The following KIAA0825 variants were observed in gnomAD, a reference collection of about 807,000 sequenced individuals.
KIAA0825 encodes KIAA0825, also known as uncharacterized protein KIAA0825.
In KIAA0825, 119 loss-of-function variants were observed where a neutral mutation model predicts 147.6. That is an observed-to-expected ratio of 0.81 (90% CI 0.69 to 0.94). KIAA0825 has a LOEUF of 0.94. KIAA0825 is among the 40% of genes least tolerant of loss of function. KIAA0825 has a pLI of 0.00. For missense variants in KIAA0825, 1,381 were observed against 1,472.7 expected, an observed-to-expected ratio of 0.94 and a Z score of 1.02; for synonymous variants, 470 against 518.1, an observed-to-expected ratio of 0.91 and a Z score of 1.26.
intron 15 of KIAA0825, among the ~76,000 whole-genome samples, chr5:94,408,193 A>C (rs746164836): frequency 1.3e-5 from 2 of 152,224 alleles, no homozygotes; most frequent in African/African-American, 2.4e-5. Context: ...AGATGGGAGC[A>C]GGACACCAAG....
intron 14 of KIAA0825, among the ~76,000 whole-genome samples, chr5:94,436,850 T>C (rs1756442382): frequency 6.6e-6 from 1 of 152,204 alleles, no homozygotes; most frequent in African/African-American, 2.4e-5. Context: ...CATTATTAGC[T>C]GTATTCCTAG....
rs532964329 is a variant in KIAA0825 at position 94,477,048 on chromosome 5, G to T, written c.1227+63C>A. On this transcript the variant is annotated intron_variant, in intron 7 of 20. Transcript: ENST00000682413. ...ACTCAAGACATCTTGATTCATAATG[G>T]ATTCACAGGCATATGATGATATTAT... 1.6e-3 allele frequency: 1,782 copies of T among 1,130,398 alleles called. 7 individuals are homozygous for T. The highest frequency in any genetic ancestry group is 1.9e-3 in the Non-Finnish European group (1,446 of 778,638). 70.0% of individuals were successfully genotyped at this position (1,130,398 alleles called of 1,614,324 possible). A position where few individuals can be genotyped will look rare whatever the true frequency, so the allele number is the denominator to read the frequency against.
chr5:94,196,837 A>G (rs1288045290), intron 20 of KIAA0825, among the ~76,000 whole-genome samples: 1 of 152,218 alleles, frequency 6.6e-6, no homozygotes, highest in African/African-American at 2.4e-5. Flanking sequence ...CATAGTGTAT[A>G]TGTACCACAT....
rs181851544 is a variant in KIAA0825 at position 94,369,590 on chromosome 5, T to A, written c.3710+14778A>T. Among the ~76,000 whole-genome samples the A allele has an allele frequency of 3.3e-5, 5 of 152,160 alleles. No individual in the cohort carries two copies. In the East Asian group the frequency reaches 7.7e-4, roughly 23 times the overall value. On this transcript the variant is annotated intron_variant, in intron 20 of 20. Coordinates refer to ENST00000682413, the MANE Select transcript of KIAA0825 (RefSeq NM_001145678.3). ...TAGCAATGTCTGAGGAAAGAAGAAA[T>A]CAGAACATCTGTCTTAAGAATTGCA...
intron 14 of KIAA0825, among the ~76,000 whole-genome samples, chr5:94,426,857 A>G (rs1016574098): frequency 1.3e-5 from 2 of 152,208 alleles, no homozygotes; most frequent in Non-Finnish European, 2.9e-5. Flanking sequence ...ATCAATTAAA[A>G]TGGTAAGAAT....
intron 2 of KIAA0825, among the ~76,000 whole-genome samples, chr5:94,575,080 A>G (rs1014985700): frequency 1.3e-5 from 2 of 152,178 alleles, no homozygotes; most frequent in Non-Finnish European, 2.9e-5. Context: ...GAAAATAGTG[A>G]AAGATAAAAT....
At chr5:94,499,715 C>A (rs994161774) in intron 5 of KIAA0825, among the ~76,000 whole-genome samples, 2 of 151,140 alleles carry the variant, frequency 1.3e-5, no homozygotes, top group East Asian at 3.9e-4. Context: ...GATTATTAAA[C>A]TTCCAGATAG....
chr5:94,490,991 T>C (rs1247718221), intron 5 of KIAA0825, among the ~76,000 whole-genome samples: 1 of 152,172 alleles, frequency 6.6e-6, no homozygotes, highest in Non-Finnish European at 1.5e-5. Flanking sequence ...AGCACACATA[T>C]TATTTTCCAA....
At chr5:94,257,286 T>C (rs1776294815) in intron 20 of KIAA0825, among the ~76,000 whole-genome samples, 1 of 152,152 alleles carries the variant, frequency 6.6e-6, no homozygotes, top group African/African-American at 2.4e-5. Flanking sequence ...TTCCAGGATA[T>C]GTCAGATAAT....
chr5:94,450,421 G>T (rs534427917), intron 13 of KIAA0825, among the ~76,000 whole-genome samples: 27 of 148,906 alleles, frequency 1.8e-4, no homozygotes, highest in African/African-American at 6.5e-4. Flanking sequence ...AGTCCATTTT[G>T]TGCTGCCATA....
rs1269014629 is a variant in KIAA0825 at position 94,182,247 on chromosome 5, CTTCTTTTTTTTTTTT to C, written c.3711-28138_3711-28124del. On this transcript the variant is annotated intron_variant, in intron 20 of 20. Transcript: ENST00000682413. ...TTTCAAGACATAACTTAAAATGTCC[CTTCTTTTTTTTTTTT>C]TTTTTTTTTTTTTTTGAGACAGGGC... 2.2e-3 allele frequency among the ~76,000 whole-genome samples: 32 copies of C among 14,800 alleles called. No individual in the cohort carries two copies. In the East Asian group the frequency reaches 0.1, roughly 48 times the overall value. 9.7% of individuals were successfully genotyped at this position (14,800 alleles called of 152,430 possible).
Position 94,614,146 on chromosome 5 carries a change from G to T in KIAA0825, c.-153+4354C>A, listed in dbSNP as rs537192241. On this transcript the variant is annotated intron_variant, in intron 1 of 20. Transcript: ENST00000682413. ...ATTATTTTATAGAAGCAAATTTATT[G>T]ACATGGAAAAATTCATGGTATAGCA... Among the ~76,000 whole-genome samples the T allele has an allele frequency of 9.8e-4, 149 of 152,158 alleles. 1 individual carries two copies. The Middle Eastern group carries it at 0.01, about 10-fold the overall frequency.
chr5:94,201,001 A>G (rs1440705882), intron 20 of KIAA0825, among the ~76,000 whole-genome samples: 1 of 139,526 alleles, frequency 7.2e-6, no homozygotes, highest in African/African-American at 2.6e-5. Flanking sequence ...CAGGACCTTA[A>G]GTGATTAATT....
intron 20 of KIAA0825, among the ~76,000 whole-genome samples, chr5:94,368,570 T>C (rs1218535425): frequency 2.0e-5 from 3 of 152,014 alleles, no homozygotes; most frequent in Non-Finnish European, 4.4e-5. Context: ...CCAGCTGGAG[T>C]AAAACAGGCT....
chr5:94,441,354 G>A (rs1442222014), intron 13 of KIAA0825, among the ~76,000 whole-genome samples: 1 of 152,154 alleles, frequency 6.6e-6, no homozygotes, highest in African/African-American at 2.4e-5. Context: ...AAGGCTTGAT[G>A]CATGTAGGCA....
intron 20 of KIAA0825, among the ~76,000 whole-genome samples, chr5:94,208,139 AT>A (rs1470276056): frequency 6.6e-6 from 1 of 152,216 alleles, no homozygotes; most frequent in Non-Finnish European, 1.5e-5. Context: ...ATCAACAAAT[AT>A]TCTTTCAGGG....
intron 3 of KIAA0825, among the ~76,000 whole-genome samples, chr5:94,532,654 G>C (rs1771038834): frequency 6.6e-6 from 1 of 150,472 alleles, no homozygotes; most frequent in Non-Finnish European, 1.5e-5. Flanking sequence ...AGCCTCCCAA[G>C]TAGCTAGGAC....
At chr5:94,477,000 A>T in intron 7 of KIAA0825, 111 bp downstream of exon 7, 4 of 793,642 alleles carry the variant, frequency 5.0e-6, no homozygotes, top group Non-Finnish European at 7.8e-6. Context: ...TTGAAAAATT[A>T]TTTTTTTGTA....
At chr5:94,497,747 CTTG>C (rs1160314986) in intron 5 of KIAA0825, among the ~76,000 whole-genome samples, 1 of 152,152 alleles carries the variant, frequency 6.6e-6, no homozygotes, top group Non-Finnish European at 1.5e-5. Context: ...ACCTGGTGAG[CTTG>C]TTAACACACA....
Sources: gnomAD v4.1 joint callset for allele counts (sites outside exome capture counted in the v4.1 genomes callset) on GRCh38, gnomAD v4.1.1 for gene constraint, MANE v1.5 for transcripts, NCBI Gene and HGNC (gene_info 2026-07-23, HGNC 2026-07-21) for gene names.